ALG14: variants seen among roughly 807,000 people sequenced by gnomAD.
ALG14 encodes UDP-N-acetylglucosamine transferase subunit ALG14.
In ALG14, 17 loss-of-function variants were observed where a neutral mutation model predicts 22.8. That is an observed-to-expected ratio of 0.75 (90% CI 0.51 to 1.12). ALG14 has a LOEUF of 1.12. Ranked by LOEUF, ALG14 falls within the 50% of genes most tolerant of loss-of-function variation. ALG14 has a pLI of 0.00. For missense variants in ALG14, 288 were observed against 271.8 expected, an observed-to-expected ratio of 1.06 and a Z score of -0.42; for synonymous variants, 89 against 103.7, an observed-to-expected ratio of 0.86 and a Z score of 0.86.
At chr1:95,044,702 A>G (rs1165587034) in intron 2 of ALG14, among the ~76,000 whole-genome samples, 2 of 151,792 alleles carry the variant, frequency 1.3e-5, no homozygotes, top group African/African-American at 4.8e-5. Flanking sequence ...AGACTTTACT[A>G]TTTTCTTCTT....
intron 2 of ALG14, among the ~76,000 whole-genome samples, chr1:95,058,480 C>A (rs1419999304): frequency 2.8e-5 from 4 of 142,824 alleles, no homozygotes; most frequent in African/African-American, 1.0e-4. Context: ...AGCTGGGCGC[C>A]GTGGCACATG....
At chr1:95,070,954 TG>T (rs1194415775) in intron 1 of ALG14, among the ~76,000 whole-genome samples, 4 of 152,158 alleles carry the variant, frequency 2.6e-5, no homozygotes, top group African/African-American at 9.7e-5. Flanking sequence ...TTGCCCAGGC[TG>T]GTCTCCAACT....
chr1:95,064,947 G>A lies in ALG14; in HGVS notation c.207C>T (p.Val69=). ...LSNAYSPRHY[V]IADTDEMSAN... is the part of the protein sequence containing the mutation. ...CACTCATTTCATCAGTGTCAGCAAT[G>A]ACATAATGTCTAGGTGAGTAGGCAT... is the stretch of plus-strand genomic sequence containing the variant. Residue 69 remains valine (V), a synonymous_variant, in exon 2 of 4, where the codon GTC becomes GTT. Transcript: ENST00000370205. 1 of 1,613,910 alleles carries A rather than the reference G, an allele frequency of 6.2e-7. No homozygotes were observed. Among genetic ancestry groups the A allele is most frequent in the Non-Finnish European group, 8.5e-7 (1 of 1,179,870 alleles).
chr1:94,986,741 G>T (rs941272673), intron 3 of ALG14, among the ~76,000 whole-genome samples: 3 of 150,788 alleles, frequency 2.0e-5, no homozygotes, highest in African/African-American at 7.3e-5. Flanking sequence ...AAAGTGCTGG[G>T]ATTGCAGGCA....
chr1:95,046,377 C>T lies in ALG14; in HGVS notation c.288+18489G>A, dbSNP rs553895864. ...GCAGCATCAGATTCTCTTAGAAGTGCGAACCCTATTGTGAACTGTGCATGC... is the reference window on the plus strand; with the variant it reads ...GCAGCATCAGATTCTCTTAGAAGTGTGAACCCTATTGTGAACTGTGCATGC... On this transcript the variant is annotated intron_variant, in intron 2 of 3. Transcript: ENST00000370205. 7.2e-5 allele frequency among the ~76,000 whole-genome samples: 11 copies of T among 152,310 alleles called. No individual in the cohort carries two copies. The East Asian group carries it at 1.4e-3, about 19-fold the overall frequency.
At chr1:95,033,633 C>T (rs976648003) in intron 2 of ALG14, among the ~76,000 whole-genome samples, 3 of 151,946 alleles carry the variant, frequency 2.0e-5, no homozygotes, top group African/African-American at 7.3e-5. Flanking sequence ...CATAGATTTC[C>T]TTCTAGATAT....
At chr1:95,030,615 G>A (rs1260190105) in intron 2 of ALG14, among the ~76,000 whole-genome samples, 1 of 152,168 alleles carries the variant, frequency 6.6e-6, no homozygotes, top group African/African-American at 2.4e-5. Flanking sequence ...CAACATTTCT[G>A]GATTATATCC....
At position 95,072,945 on chromosome 1, in the gene ALG14, C is replaced by A; in HGVS notation, c.-47G>T. On this transcript the variant is annotated 5_prime_UTR_variant, in exon 1 of 4. Coordinates refer to ENST00000370205, the MANE Select transcript of ALG14 (RefSeq NM_144988.4). Reference sequence around the variant, plus strand: ...CCAACTTCCGGGGACCAGCCGCTGTCAAAGTTCACAACTACGGGTGCCGAA... The same window carrying A: ...CCAACTTCCGGGGACCAGCCGCTGTAAAAGTTCACAACTACGGGTGCCGAA... 1 of 1,610,080 alleles carries A rather than the reference C, an allele frequency of 6.2e-7. No homozygotes were observed. The highest frequency in any genetic ancestry group is 1.1e-5 in the South Asian group (1 of 90,810).
At chr1:95,047,414 G>C (rs539295827) in intron 2 of ALG14, among the ~76,000 whole-genome samples, 88 of 152,146 alleles carry the variant, frequency 5.8e-4, no homozygotes, top group African/African-American at 2.1e-3. Context: ...CGTGATCTCG[G>C]CTCACTGCAA....
chr1:95,066,057 C>T (rs1043981684), intron 1 of ALG14, among the ~76,000 whole-genome samples: 2 of 152,172 alleles, frequency 1.3e-5, no homozygotes, highest in Admixed American at 6.5e-5. Flanking sequence ...TCTCTGCATT[C>T]ACCTTATTCG....
At chr1:95,023,691 A>G (rs1278200216) in intron 3 of ALG14, among the ~76,000 whole-genome samples, 2 of 152,224 alleles carry the variant, frequency 1.3e-5, no homozygotes, top group African/African-American at 4.8e-5. Context: ...AAATTAAATT[A>G]GGTTTCATTT....
intron 2 of ALG14, among the ~76,000 whole-genome samples, chr1:95,046,118 A>G (rs1009042778): frequency 6.6e-6 from 1 of 152,044 alleles, no homozygotes; most frequent in African/African-American, 2.4e-5. Context: ...GGCCACAACA[A>G]AAATAGTTTG....
At chr1:95,046,709 A>G (rs941691025) in intron 2 of ALG14, among the ~76,000 whole-genome samples, 11 of 152,268 alleles carry the variant, frequency 7.2e-5, no homozygotes, top group African/African-American at 1.4e-4. Flanking sequence ...TACTTTTTAA[A>G]ATAACTTACA....
chr1:95,039,210 T>A (rs1674305474), intron 2 of ALG14, among the ~76,000 whole-genome samples: 1 of 152,146 alleles, frequency 6.6e-6, no homozygotes, highest in Admixed American at 6.5e-5. Flanking sequence ...GAACTGTATT[T>A]TGGTACGTAA....
intron 1 of ALG14, among the ~76,000 whole-genome samples, chr1:95,065,674 G>A (rs1013054742): frequency 1.3e-5 from 2 of 152,180 alleles, no homozygotes; most frequent in African/African-American, 4.8e-5. Context: ...GGGCATGAGC[G>A]CTGATCAGCA....
At chr1:94,986,886 G>A (rs966740769) in intron 3 of ALG14, among the ~76,000 whole-genome samples, 6 of 151,528 alleles carry the variant, frequency 4.0e-5, no homozygotes, top group Non-Finnish European at 7.4e-5. Context: ...ACACCCAGCT[G>A]TAAGGAGAGG....
At chr1:95,068,161 T>C (rs1344647404) in intron 1 of ALG14, among the ~76,000 whole-genome samples, 1 of 152,230 alleles carries the variant, frequency 6.6e-6, no homozygotes, top group Non-Finnish European at 1.5e-5. Context: ...GTACCTCCTA[T>C]TCCTAGAAAT....
intron 2 of ALG14, among the ~76,000 whole-genome samples, chr1:95,045,332 C>G (rs566106723): frequency 1.3e-5 from 2 of 152,190 alleles, no homozygotes; most frequent in Admixed American, 1.3e-4. Context: ...GGCAGATACT[C>G]TTCTTTTGGT....
chr1:95,007,471 G>A lies in ALG14; in HGVS notation c.420+19658C>T, dbSNP rs548146603. On this transcript the variant is annotated intron_variant, in intron 3 of 3. Coordinates refer to ENST00000370205, the MANE Select transcript of ALG14 (RefSeq NM_144988.4). The stretch of plus-strand genomic sequence containing the variant: ...GTATTGCTGCCTTAAGCTTGAATCT[G>A]GTATGTATCTGGAAAACCTCTGCAT... 5.3e-5 allele frequency among the ~76,000 whole-genome samples: 8 copies of A among 152,254 alleles called. No homozygotes were observed. The South Asian group carries it at 8.3e-4, about 16-fold the overall frequency.
Sources: allele counts gnomAD v4.1 joint callset (sites outside exome capture counted in the v4.1 genomes callset), GRCh38; gene constraint gnomAD v4.1.1; transcripts MANE v1.5; gene names NCBI Gene and HGNC (gene_info 2026-07-23, HGNC 2026-07-21).